PTPRD: variants seen among roughly 807,000 people sequenced by gnomAD.
PTPRD encodes receptor-type tyrosine-protein phosphatase delta.
In PTPRD, 34 loss-of-function variants were observed where a neutral mutation model predicts 214.5. That is an observed-to-expected ratio of 0.16 (90% CI 0.12 to 0.21). The LOEUF (loss-of-function observed/expected upper bound fraction) is 0.21. PTPRD is among the 10% of genes least tolerant of loss of function. PTPRD has a pLI of 1.00. For synonymous variants in PTPRD, 1,128 were observed against 845.7 expected, an observed-to-expected ratio of 1.33 and a Z score of -5.79; for missense variants, 2,545 against 2,398.7, an observed-to-expected ratio of 1.06 and a Z score of -1.27.
At position 10,067,678 on chromosome 9, in the gene PTPRD, C is replaced by T. The variant is rs778417493; in HGVS notation, c.-544-33888G>A. On this transcript the variant is annotated intron_variant, in intron 3 of 45. Transcript: ENST00000381196. ...AGGGTAGGTAATTTGGCCAAGGTCA[C>T]CCCATTATAATGGTAAAGCTAGAGT... Among the ~76,000 whole-genome samples the T allele has an allele frequency of 3.3e-5, 5 of 151,916 alleles. No homozygotes were observed. In the South Asian group the frequency reaches 1.0e-3, roughly 32 times the overall value.
chr9:10,549,414 T>C (rs1275556179), intron 2 of PTPRD, among the ~76,000 whole-genome samples: 1 of 151,956 alleles, frequency 6.6e-6, no homozygotes, highest in East Asian at 1.9e-4. Flanking sequence ...AGAAAAAAAA[T>C]TGTCTATCAT....
intron 7 of PTPRD, among the ~76,000 whole-genome samples, chr9:9,584,828 G>A (rs1370019097): frequency 6.6e-6 from 1 of 151,716 alleles, no homozygotes; most frequent in Non-Finnish European, 1.5e-5. Flanking sequence ...GGAGAACTTT[G>A]CCCTTGACCA....
chr9:8,935,389 G>T (rs894026016), intron 11 of PTPRD, among the ~76,000 whole-genome samples: 2 of 145,542 alleles, frequency 1.4e-5, no homozygotes, highest in Admixed American at 7.1e-5. Context: ...ACAACCTTAA[G>T]GATAAATTTA....
intron 12 of PTPRD, among the ~76,000 whole-genome samples, chr9:8,681,141 C>T (rs1315700725): frequency 1.3e-5 from 2 of 152,278 alleles, no homozygotes; most frequent in South Asian, 2.1e-4. Flanking sequence ...CCCAATCACG[C>T]CTCATGCCAA....
intron 11 of PTPRD, among the ~76,000 whole-genome samples, chr9:8,833,539 A>AT (rs149351483): frequency 0.47 from 69,549 of 148,960 alleles, 16,684 homozygotes; most frequent in African/African-American, 0.6. Context: ...TCTTTTTTTC[A>AT]TTTTTTTTTC....
At chr9:8,483,766 G>A (rs558817277) in intron 30 of PTPRD, among the ~76,000 whole-genome samples, 13 of 151,020 alleles carry the variant, frequency 8.6e-5, no homozygotes, top group East Asian at 7.8e-4. Flanking sequence ...GTGACAGGGC[G>A]AGACTCCGTC....
chr9:9,837,458 G>A (rs1050124710), intron 5 of PTPRD, among the ~76,000 whole-genome samples: 2 of 152,064 alleles, frequency 1.3e-5, no homozygotes, highest in African/African-American at 2.4e-5. Flanking sequence ...CTTCCCCATT[G>A]TATTAATCTT....
intron 3 of PTPRD, among the ~76,000 whole-genome samples, chr9:10,062,119 C>T (rs1402260900): frequency 6.6e-6 from 1 of 152,056 alleles, no homozygotes; most frequent in African/African-American, 2.4e-5. Flanking sequence ...ATTTACTCAA[C>T]TCACTAATGA....
chr9:9,633,427 C>G (rs12378998), intron 7 of PTPRD, among the ~76,000 whole-genome samples: 27,445 of 152,026 alleles, frequency 0.18, 2,861 homozygotes, highest in African/African-American at 0.28. Flanking sequence ...AGAATTCAAA[C>G]GACTTCCAAA....
intron 36 of PTPRD, among the ~76,000 whole-genome samples, chr9:8,397,703 A>G (rs1444740318): frequency 6.6e-6 from 1 of 152,172 alleles, no homozygotes; most frequent in African/African-American, 2.4e-5. Flanking sequence ...AATGGTGGAT[A>G]ACATTACAGA....
At chr9:9,266,097 G>A (rs531463171) in intron 9 of PTPRD, among the ~76,000 whole-genome samples, 1 of 151,368 alleles carries the variant, frequency 6.6e-6, no homozygotes. Context: ...ATAAGTAAAT[G>A]AGACAAAATA....
chr9:10,185,041 G>A (rs925234499), intron 3 of PTPRD, among the ~76,000 whole-genome samples: 7 of 152,018 alleles, frequency 4.6e-5, no homozygotes, highest in African/African-American at 1.7e-4. Context: ...GGAGATTAAT[G>A]CAGTATAAAC....
chr9:10,430,557 C>G (rs976663705), intron 2 of PTPRD, among the ~76,000 whole-genome samples: 1 of 151,860 alleles, frequency 6.6e-6, no homozygotes, highest in African/African-American at 2.4e-5. Context: ...GGACATTCAA[C>G]ACAATGCTAA....
At chr9:10,107,534 A>G (rs1368264005) in intron 3 of PTPRD, among the ~76,000 whole-genome samples, 1 of 152,114 alleles carries the variant, frequency 6.6e-6, no homozygotes, top group Non-Finnish European at 1.5e-5. Flanking sequence ...CCTGTTCTTA[A>G]GCAATCTCAT....
At chr9:9,797,186 T>G (rs915689742) in intron 5 of PTPRD, among the ~76,000 whole-genome samples, 4 of 146,060 alleles carry the variant, frequency 2.7e-5, no homozygotes, top group African/African-American at 1.0e-4. Flanking sequence ...AACATATGCA[T>G]AAAATATCTA....
chr9:9,085,603 T>C (rs918171849), intron 10 of PTPRD, among the ~76,000 whole-genome samples: 7 of 152,018 alleles, frequency 4.6e-5, no homozygotes, highest in Admixed American at 2.0e-4. Context: ...TTATACTTCA[T>C]TGTGAGCCAA....
chr9:10,297,807 T>C (rs1438356423), intron 3 of PTPRD, among the ~76,000 whole-genome samples: 1 of 152,144 alleles, frequency 6.6e-6, no homozygotes, highest in Non-Finnish European at 1.5e-5. Context: ...ACAGTAAGTA[T>C]CTGCTTGAAT....
At position 8,699,418 on chromosome 9, in the gene PTPRD, G is replaced by C. The variant is rs947093929; in HGVS notation, c.64+34362C>G. 2.0e-5 allele frequency among the ~76,000 whole-genome samples: 3 copies of C among 152,050 alleles called. No individual in the cohort carries two copies. In the South Asian group the frequency reaches 6.2e-4, roughly 31 times the overall value. ...AAATACATGGTATTTTTCATGATAA[G>C]CATTTGAGGACATTTTTCCCCCATA... On this transcript the variant is annotated intron_variant, in intron 12 of 45. Transcript: ENST00000381196.
intron 34 of PTPRD, among the ~76,000 whole-genome samples, chr9:8,445,228 C>A (rs1250011427): frequency 6.6e-6 from 1 of 152,150 alleles, no homozygotes; most frequent in African/African-American, 2.4e-5. Context: ...GCCTTTTTCA[C>A]ACTAATTCTG....
Sources: gnomAD v4.1 joint callset for allele counts (sites outside exome capture counted in the v4.1 genomes callset) on GRCh38, gnomAD v4.1.1 for gene constraint, MANE v1.5 for transcripts, NCBI Gene and HGNC (gene_info 2026-07-23, HGNC 2026-07-21) for gene names.